The following SLC39A11 variants were observed in gnomAD, a reference collection of about 807,000 sequenced individuals.
SLC39A11 encodes zinc transporter ZIP11.
In SLC39A11, 33 loss-of-function variants were observed where a neutral mutation model predicts 36.1. The ratio of observed to expected loss-of-function variants is 0.91; its 90% CI spans 0.69 to 1.22. The LOEUF (loss-of-function observed/expected upper bound fraction) is 1.22, where lower values mean the gene tolerates loss of function less well. SLC39A11 is among the 50% of genes most tolerant of loss of function. The pLI, the probability that SLC39A11 is intolerant of heterozygous loss-of-function variation, is 0.00. For missense variants in SLC39A11, 432 were observed against 430.3 expected (o/e 1.00, Z -0.03); for synonymous variants, 166 against 170.3 (o/e 0.97, Z 0.20).
At chr17:72,937,547 C>T (rs1181373626) in intron 5 of SLC39A11, among the ~76,000 whole-genome samples, 3 of 152,134 alleles carry the variant, frequency 2.0e-5, no homozygotes, top group Admixed American at 6.5e-5. Flanking sequence ...GCATGATTTG[C>T]GCTACAGAGG....
intron 7 of SLC39A11, among the ~76,000 whole-genome samples, chr17:72,683,063 C>CAT (rs1270840363): frequency 6.6e-6 from 1 of 152,204 alleles, no homozygotes; most frequent in Non-Finnish European, 1.5e-5. Context: ...CCTTTACTGT[C>CAT]ATGTGGCAAG....
intron 4 of SLC39A11, among the ~76,000 whole-genome samples, chr17:72,988,732 G>A (rs1308596769): frequency 6.6e-6 from 1 of 151,746 alleles, no homozygotes; most frequent in Non-Finnish European, 1.5e-5. Flanking sequence ...TTTTTGAGAT[G>A]GAGTCTCACT....
intron 5 of SLC39A11, among the ~76,000 whole-genome samples, chr17:72,865,738 C>T (rs1046475911): frequency 1.3e-5 from 2 of 151,998 alleles, no homozygotes; most frequent in African/African-American, 2.4e-5. Context: ...AGAAGCAGAA[C>T]CTTTGTGTAA....
At chr17:72,750,268 T>A (rs1295392508) in intron 6 of SLC39A11, among the ~76,000 whole-genome samples, 1 of 152,058 alleles carries the variant, frequency 6.6e-6, no homozygotes, top group Non-Finnish European at 1.5e-5. Flanking sequence ...GGGTCCCAGG[T>A]TGGACCCGAT....
chr17:73,071,397 C>A (rs545164254), intron 3 of SLC39A11, among the ~76,000 whole-genome samples: 17 of 152,202 alleles, frequency 1.1e-4, no homozygotes, highest in Non-Finnish European at 2.1e-4. Flanking sequence ...CCTGAAGATT[C>A]TTCAAAGGCA....
chr17:73,033,404 G>A (rs1405338931), intron 3 of SLC39A11, among the ~76,000 whole-genome samples: 1 of 152,222 alleles, frequency 6.6e-6, no homozygotes, highest in Non-Finnish European at 1.5e-5. Flanking sequence ...TCAAATCTCA[G>A]CAAAGTCAAT....
intron 3 of SLC39A11, among the ~76,000 whole-genome samples, chr17:73,066,258 G>C (rs925246021): frequency 2.0e-5 from 3 of 152,172 alleles, no homozygotes; most frequent in Non-Finnish European, 2.9e-5. Context: ...CCAGACCTGA[G>C]TGAGGCCCTT....
intron 7 of SLC39A11, among the ~76,000 whole-genome samples, chr17:72,685,023 G>T (rs577742272): frequency 1.3e-5 from 2 of 152,330 alleles, no homozygotes; most frequent in Admixed American, 1.3e-4. Context: ...AGATACAAAT[G>T]GTGCTGAGCA....
At chr17:72,841,352 G>A (rs747857332) in intron 6 of SLC39A11, among the ~76,000 whole-genome samples, 8 of 152,124 alleles carry the variant, frequency 5.3e-5, no homozygotes, top group South Asian at 2.1e-4. Context: ...ACACAATGGC[G>A]TATTATTCAG....
At chr17:72,926,397 G>A (rs2466529) in intron 5 of SLC39A11, among the ~76,000 whole-genome samples, 54,394 of 151,942 alleles carry the variant, frequency 0.36, 10,078 homozygotes, top group Admixed American at 0.45. Flanking sequence ...GAAAATGTCT[G>A]AAAATGCAAT....
At chr17:72,831,485 C>A (rs1285004988) in intron 6 of SLC39A11, among the ~76,000 whole-genome samples, 1 of 152,194 alleles carries the variant, frequency 6.6e-6, no homozygotes. Flanking sequence ...AATTATTTAT[C>A]TCCTGGTGAA....
rs550288148 is a variant in SLC39A11 at position 72,991,508 on chromosome 17, C to G, written c.306+40048G>C. ...AAATAGCTGGGATTACAGGCCCACGCCACCACACCCGGCTAATTTTTGTAT... is the reference window on the plus strand; with the variant it reads ...AAATAGCTGGGATTACAGGCCCACGGCACCACACCCGGCTAATTTTTGTAT... On this transcript the variant is annotated intron_variant, in intron 4 of 9. Transcript: ENST00000255559. 3.9e-5 allele frequency among the ~76,000 whole-genome samples: 6 copies of G among 152,270 alleles called. No individual in the cohort carries two copies. In the South Asian group the frequency reaches 8.3e-4, roughly 21 times the overall value.
intron 3 of SLC39A11, among the ~76,000 whole-genome samples, chr17:73,066,160 C>T (rs1226440465): frequency 6.6e-6 from 1 of 152,174 alleles, no homozygotes; most frequent in Admixed American, 6.5e-5. Flanking sequence ...AGCTCTTCCA[C>T]TGCCATGTAA....
At chr17:72,824,986 C>A (rs1215940161) in intron 6 of SLC39A11, among the ~76,000 whole-genome samples, 3 of 151,230 alleles carry the variant, frequency 2.0e-5, no homozygotes, top group African/African-American at 7.3e-5. Context: ...AAAGAGAAAC[C>A]CATTTTCTAG....
intron 4 of SLC39A11, among the ~76,000 whole-genome samples, chr17:72,977,728 A>T (rs1220931857): frequency 6.6e-6 from 1 of 152,128 alleles, no homozygotes. Context: ...GAACAGAAAC[A>T]CCCCCACACA....
chr17:72,841,231 GTATAGAACTTC>G (rs2078793902), intron 6 of SLC39A11, among the ~76,000 whole-genome samples: 1 of 152,164 alleles, frequency 6.6e-6, no homozygotes, highest in Admixed American at 6.5e-5. Context: ...AAAGAACGCA[GTATAGAACTTC>G]TTGCAAGAAG....
chr17:72,988,894 A>G (rs2088959326), intron 4 of SLC39A11, among the ~76,000 whole-genome samples: 1 of 152,000 alleles, frequency 6.6e-6, no homozygotes. Flanking sequence ...TTTTTAGTAG[A>G]GACAGGTTTG....
intron 4 of SLC39A11, among the ~76,000 whole-genome samples, chr17:73,030,516 A>G (rs910905761): frequency 5.9e-5 from 9 of 152,342 alleles, no homozygotes; most frequent in African/African-American, 2.2e-4. Context: ...CTCCCGGGGT[A>G]CATGACCACT....
intron 7 of SLC39A11, among the ~76,000 whole-genome samples, chr17:72,726,513 CACACACACAA>C (rs2073940186): frequency 6.6e-6 from 1 of 152,114 alleles, no homozygotes; most frequent in African/African-American, 2.4e-5. Context: ...CCTGTCTACA[CACACACACAA>C]ACACACACAC....
Sources: gnomAD v4.1 joint callset for allele counts (sites outside exome capture counted in the v4.1 genomes callset) on GRCh38, gnomAD v4.1.1 for gene constraint, MANE v1.5 for transcripts, NCBI Gene and HGNC (gene_info 2026-07-23, HGNC 2026-07-21) for gene names.